TYW1: variants seen among roughly 807,000 people sequenced by gnomAD.
The protein encoded by TYW1 is S-adenosyl-L-methionine-dependent tRNA 4-demethylwyosine synthase TYW1.
TYW1 carries 46 observed loss-of-function variants against 96.2 expected under a neutral mutation model. That is an observed-to-expected ratio of 0.48 (90% CI 0.38 to 0.61). The LOEUF (loss-of-function observed/expected upper bound fraction) is 0.61. Among genes scored for constraint, TYW1 ranks in the 20% least tolerant of loss-of-function variants. TYW1 has a pLI of 0.00. For synonymous variants in TYW1, 274 were observed against 323.0 expected (o/e 0.85, Z 1.63); for missense variants, 684 against 909.6 (o/e 0.75, Z 3.19).
At chr7:67,075,432 A>C (rs188082948) in intron 10 of TYW1, among the ~76,000 whole-genome samples, 1 of 152,362 alleles carries the variant, frequency 6.6e-6, no homozygotes, top group East Asian at 1.9e-4. Context: ...ACAAATGACC[A>C]GTAAGCACAT....
At chr7:67,067,110 C>G (rs1795890198) in intron 9 of TYW1, 175 bp from the exon 10 acceptor site, 1 of 689,558 alleles carries the variant, frequency 1.5e-6, no homozygotes, top group Admixed American at 2.8e-5. Flanking sequence ...AGTAAAAACC[C>G]AAAGCACTGC....
rs373522572 is a variant in TYW1 at position 67,238,612 on chromosome 7, A to G, written c.*83A>G. On this transcript the variant is annotated 3_prime_UTR_variant, in exon 16 of 16. Transcript: ENST00000359626. Reference sequence around the variant, plus strand: ...TGAACACCACTGTGATTCTCCAAGGACGAATTACGTAAATTATACTTTCAT... The same window carrying G: ...TGAACACCACTGTGATTCTCCAAGGGCGAATTACGTAAATTATACTTTCAT... 7.5e-5 allele frequency: 116 copies of G among 1,552,032 alleles called. 2 individuals are homozygous for G. In the African/African-American group the frequency reaches 1.2e-3, roughly 17 times the overall value.
chr7:67,180,425 A>ATATATATATATATATATTATT (rs1563058168), intron 13 of TYW1, among the ~76,000 whole-genome samples: 4 of 68,626 alleles, frequency 5.8e-5, no homozygotes, highest in African/African-American at 1.5e-4. Flanking sequence ...TATATATATA[A>ATATATATATATATATATTATT]TTTTTTTTTT....
chr7:67,122,703 G>T (rs988573694), intron 13 of TYW1, among the ~76,000 whole-genome samples: 1 of 152,162 alleles, frequency 6.6e-6, no homozygotes, highest in Non-Finnish European at 1.5e-5. Flanking sequence ...TCATGTTAAA[G>T]ACAGTGTAGT....
chr7:67,023,698 G>A (rs1794353118), intron 6 of TYW1, among the ~76,000 whole-genome samples: 1 of 152,028 alleles, frequency 6.6e-6, no homozygotes, highest in Non-Finnish European at 1.5e-5. Context: ...AACCAAGGAG[G>A]TAGAGGTTGC....
At chr7:67,054,540 A>G (rs1297757933) in intron 8 of TYW1, among the ~76,000 whole-genome samples, 1 of 151,912 alleles carries the variant, frequency 6.6e-6, no homozygotes, top group Non-Finnish European at 1.5e-5. Context: ...GTTTACATAA[A>G]TACAGAAGAG....
At chr7:67,017,777 T>G (rs1017765737) in intron 5 of TYW1, 76 bp from the exon 6 acceptor site, 5 of 1,530,882 alleles carry the variant, frequency 3.3e-6, no homozygotes, top group African/African-American at 1.4e-5. Flanking sequence ...GGAAGGACTT[T>G]GGGCTTTTGC....
chr7:67,205,461 A>G (rs12154588), intron 15 of TYW1, among the ~76,000 whole-genome samples: 72,889 of 147,046 alleles, frequency 0.5, 18,408 homozygotes, highest in African/African-American at 0.62. Context: ...GACACCACTC[A>G]AGTGTATGGG....
At position 67,067,407 on chromosome 7, in the gene TYW1, A is replaced by G. The variant is rs372616018; in HGVS notation, c.1274+4A>G. On this transcript the variant is annotated splice_donor_region_variant and intron_variant, in intron 10 of 15. Coordinates refer to ENST00000359626, the MANE Select transcript of TYW1 (RefSeq NM_018264.4). ...ATAAATGTGTCTTCTGTTGGCGGTA[A>G]GTAAAAATGAAAGGTCATGGTGATC... 15 of 1,613,848 alleles carry G rather than the reference A, an allele frequency of 9.3e-6. No homozygotes were observed. Among genetic ancestry groups the G allele is most frequent in the Non-Finnish European group, 1.1e-5 (13 of 1,179,854 alleles).
At chr7:67,046,299 C>T (rs1214311082) in intron 7 of TYW1, among the ~76,000 whole-genome samples, 1 of 152,070 alleles carries the variant, frequency 6.6e-6, no homozygotes, top group Non-Finnish European at 1.5e-5. Flanking sequence ...CTTTTTAGTT[C>T]TGATTGCCTC....
chr7:67,211,877 A>C (rs1231634363), intron 15 of TYW1, among the ~76,000 whole-genome samples: 1 of 152,138 alleles, frequency 6.6e-6, no homozygotes, highest in Non-Finnish European at 1.5e-5. Flanking sequence ...TTCCCCCTCT[A>C]TGCCCTTCAG....
chr7:67,138,851 C>T (rs1798355272), intron 13 of TYW1, among the ~76,000 whole-genome samples: 1 of 151,660 alleles, frequency 6.6e-6, no homozygotes, highest in Admixed American at 6.6e-5. Flanking sequence ...TATATAAATA[C>T]CACATTTTCT....
At chr7:67,172,839 G>A (rs1024910395) in intron 13 of TYW1, among the ~76,000 whole-genome samples, 131 of 152,070 alleles carry the variant, frequency 8.6e-4, no homozygotes, top group African/African-American at 3.1e-3. Flanking sequence ...AAACAAACAA[G>A]CTGGATGTGG....
intron 12 of TYW1, among the ~76,000 whole-genome samples, chr7:67,107,405 G>A (rs1042088853): frequency 1.2e-4 from 19 of 152,104 alleles, no homozygotes; most frequent in African/African-American, 4.6e-4. Flanking sequence ...TGAGTTCATG[G>A]AATATTTTTC....
chr7:67,024,503 C>T (rs1233141657), intron 6 of TYW1, among the ~76,000 whole-genome samples: 3 of 152,024 alleles, frequency 2.0e-5, no homozygotes, highest in East Asian at 1.9e-4. Context: ...TATAGACAGC[C>T]GAGCACTGTC....
intron 13 of TYW1, among the ~76,000 whole-genome samples, chr7:67,149,101 C>T (rs553581521): frequency 7.2e-5 from 11 of 152,172 alleles, no homozygotes; most frequent in African/African-American, 1.9e-4. Flanking sequence ...GAATCATTCA[C>T]GGCCATTCAC....
At chr7:67,126,023 A>T (rs1186354226) in intron 13 of TYW1, among the ~76,000 whole-genome samples, 1 of 151,948 alleles carries the variant, frequency 6.6e-6, no homozygotes, top group Non-Finnish European at 1.5e-5. Context: ...TGCTATAAAC[A>T]TCTGTGTGCA....
intron 10 of TYW1, among the ~76,000 whole-genome samples, chr7:67,070,529 G>T (rs1002316619): frequency 4.0e-5 from 6 of 151,452 alleles, no homozygotes; most frequent in African/African-American, 1.5e-4. Context: ...CAAATCTTCT[G>T]TTGAAACCCT....
intron 13 of TYW1, among the ~76,000 whole-genome samples, chr7:67,151,233 G>A (rs2116166726): frequency 6.6e-6 from 1 of 152,248 alleles, no homozygotes; most frequent in South Asian, 2.1e-4. Context: ...TGTATTTTTA[G>A]TAGAGATGAG....
Sources: allele counts gnomAD v4.1 joint callset (sites outside exome capture counted in the v4.1 genomes callset), GRCh38; gene constraint gnomAD v4.1.1; transcripts MANE v1.5; gene names NCBI Gene and HGNC (gene_info 2026-07-23, HGNC 2026-07-21).